PPARGC1A: variants seen among roughly 807,000 people sequenced by gnomAD.
The protein encoded by PPARGC1A is PPARG coactivator 1 alpha, also known as peroxisome proliferator-activated receptor gamma coactivator 1-alpha.
In PPARGC1A, 25 loss-of-function variants were observed where a neutral mutation model predicts 88.7. That is an observed-to-expected ratio of 0.28 (90% CI 0.21 to 0.39). The LOEUF (loss-of-function observed/expected upper bound fraction) is 0.39. PPARGC1A is among the 10% of genes least tolerant of loss of function. The probability of loss-of-function intolerance (pLI) is 1.00; values close to 1 mark genes in which losing one functional copy is unlikely to be tolerated. For synonymous variants in PPARGC1A, 363 were observed against 355.6 expected, an observed-to-expected ratio of 1.02 and a Z score of -0.24; for missense variants, 880 against 968.7, an observed-to-expected ratio of 0.91 and a Z score of 1.22.
the PPARGC1A span, among the ~76,000 whole-genome samples, chr4:24,314,674 T>C: frequency 2.4e-4 from 36 of 152,210 alleles, no homozygotes; most frequent in African/African-American, 8.0e-4. Context: ...ATGGTGATAA[T>C]AGAGTTTTGA....
At chr4:24,170,635 G>T in the PPARGC1A span, among the ~76,000 whole-genome samples, 1 of 152,094 alleles carries the variant, frequency 6.6e-6, no homozygotes, top group Non-Finnish European at 1.5e-5. Context: ...TAGAGTGGAG[G>T]CCCTCTGGCT....
At chr4:23,834,934 T>C (rs1725737252) in intron 2 of PPARGC1A, among the ~76,000 whole-genome samples, 2 of 152,328 alleles carry the variant, frequency 1.3e-5, no homozygotes, top group East Asian at 1.9e-4. Context: ...ACTATCTCCA[T>C]ATTATCTAAT....
chr4:24,175,094 T>C, the PPARGC1A span, among the ~76,000 whole-genome samples: 8 of 152,180 alleles, frequency 5.3e-5, no homozygotes, highest in African/African-American at 1.9e-4. Context: ...TCGCGATATA[T>C]ATCATTAGTT....
At chr4:24,024,769 ACAACAG>A in the PPARGC1A span, among the ~76,000 whole-genome samples, 1 of 152,240 alleles carries the variant, frequency 6.6e-6, no homozygotes, top group Non-Finnish European at 1.5e-5. Flanking sequence ...ATTAGTTCAC[ACAACAG>A]CACAATGCAA....
the PPARGC1A span, among the ~76,000 whole-genome samples, chr4:24,282,372 T>C: frequency 3.3e-5 from 5 of 152,216 alleles, no homozygotes; most frequent in Non-Finnish European, 7.3e-5. Flanking sequence ...AAGAAACTTG[T>C]TTAATAAAGC....
the PPARGC1A span, among the ~76,000 whole-genome samples, chr4:24,463,371 AT>A: frequency 1.3e-5 from 2 of 152,296 alleles, no homozygotes; most frequent in Non-Finnish European, 2.9e-5. Context: ...CATATCCTTC[AT>A]AATTTTTTCA....
chr4:24,285,179 T>C, the PPARGC1A span, among the ~76,000 whole-genome samples: 1 of 152,228 alleles, frequency 6.6e-6, no homozygotes, highest in Non-Finnish European at 1.5e-5. Flanking sequence ...CTGTTGCCTA[T>C]ACATAGCTTC....
At chr4:24,016,687 T>C in the PPARGC1A span, among the ~76,000 whole-genome samples, 1 of 152,216 alleles carries the variant, frequency 6.6e-6, no homozygotes, top group South Asian at 2.1e-4. Flanking sequence ...ATAGAATTTT[T>C]AAGTTATTTC....
At chr4:23,888,224 C>T (rs186898732) in intron 1 of PPARGC1A, among the ~76,000 whole-genome samples, 1 of 152,328 alleles carries the variant, frequency 6.6e-6, no homozygotes, top group African/African-American at 2.4e-5. Context: ...CCAATCTCAG[C>T]CGACTGGCGA....
At chr4:24,176,855 TAC>T in the PPARGC1A span, among the ~76,000 whole-genome samples, 1 of 152,294 alleles carries the variant, frequency 6.6e-6, no homozygotes, top group East Asian at 1.9e-4. Flanking sequence ...GGCCCTGTTT[TAC>T]ACATTCTGCA....
chr4:24,126,098 G>A, the PPARGC1A span, among the ~76,000 whole-genome samples: 24 of 152,218 alleles, frequency 1.6e-4, no homozygotes, highest in East Asian at 4.1e-3. Flanking sequence ...CTTGCCCAGG[G>A]TAGTGACTGT....
At chr4:24,369,835 G>C in the PPARGC1A span, among the ~76,000 whole-genome samples, 1 of 152,232 alleles carries the variant, frequency 6.6e-6, no homozygotes, top group Non-Finnish European at 1.5e-5. Context: ...AACCCTCCGA[G>C]TTAGCAGGGG....
At chr4:23,940,493 AT>A in the PPARGC1A span, among the ~76,000 whole-genome samples, 1 of 152,260 alleles carries the variant, frequency 6.6e-6, no homozygotes, top group Non-Finnish European at 1.5e-5. Flanking sequence ...TGAGATTTCC[AT>A]TTGAAAACAT....
At chr4:24,246,762 G>A in the PPARGC1A span, among the ~76,000 whole-genome samples, 114 of 152,212 alleles carry the variant, frequency 7.5e-4, no homozygotes, top group African/African-American at 2.3e-3. Context: ...ACCATCTTCC[G>A]GGAGCTGGGT....
chr4:23,860,254 G>A (rs113092091), intron 2 of PPARGC1A, among the ~76,000 whole-genome samples: 1 of 142,632 alleles, frequency 7.0e-6, no homozygotes, highest in East Asian at 2.1e-4. Flanking sequence ...CCAGGCAACA[G>A]AGCAAGAGAC....
At chr4:24,297,641 A>G in the PPARGC1A span, among the ~76,000 whole-genome samples, 4 of 152,254 alleles carry the variant, frequency 2.6e-5, no homozygotes, top group East Asian at 5.8e-4. Context: ...CCAAAAAATA[A>G]CACTTCATCA....
At chr4:23,797,159 G>A (rs1021964689) in intron 12 of PPARGC1A, among the ~76,000 whole-genome samples, 2 of 151,948 alleles carry the variant, frequency 1.3e-5, no homozygotes, top group African/African-American at 4.8e-5. Context: ...TAAGGTAAGA[G>A]CAACGAGAAC....
the PPARGC1A span, among the ~76,000 whole-genome samples, chr4:24,063,346 C>A: frequency 2.0e-5 from 3 of 152,072 alleles, no homozygotes; most frequent in African/African-American, 7.2e-5. Flanking sequence ...TTGCCTTTCT[C>A]CGGTGTGTTC....
At chr4:24,062,959 G>A in the PPARGC1A span, among the ~76,000 whole-genome samples, 6 of 152,182 alleles carry the variant, frequency 3.9e-5, no homozygotes, top group Non-Finnish European at 5.9e-5. Flanking sequence ...AAGAAAATAC[G>A]CCAACACTTC....
Sources: allele counts gnomAD v4.1 joint callset (sites outside exome capture counted in the v4.1 genomes callset), GRCh38; gene constraint gnomAD v4.1.1; transcripts MANE v1.5; gene names NCBI Gene and HGNC (gene_info 2026-07-23, HGNC 2026-07-21).